PPP2R2A: variants seen among roughly 807,000 people sequenced by gnomAD.
The protein encoded by PPP2R2A is serine/threonine-protein phosphatase 2A 55 kDa regulatory subunit B alpha isoform.
PPP2R2A carries 9 observed loss-of-function variants against 53.2 expected under a neutral mutation model. That is an observed-to-expected ratio of 0.17 (90% CI 0.10 to 0.30). PPP2R2A has a LOEUF of 0.30. Among genes scored for constraint, PPP2R2A ranks in the 10% least tolerant of loss-of-function variants. The probability of loss-of-function intolerance (pLI) is 1.00; values close to 1 mark genes in which losing one functional copy is unlikely to be tolerated. For missense variants in PPP2R2A, 235 were observed against 534.6 expected, an observed-to-expected ratio of 0.44 and a Z score of 5.53; for synonymous variants, 169 against 174.2, an observed-to-expected ratio of 0.97 and a Z score of 0.23.
rs1472898336 is a variant in PPP2R2A, at chr8:26,354,715, AAC to A, written c.346+84_346+85del. On this transcript the variant is annotated intron_variant, in intron 4 of 9. Coordinates refer to ENST00000380737, the MANE Select transcript of PPP2R2A (RefSeq NM_002717.4). The surrounding 1 kb of genome is among the most constrained non-coding windows in gnomAD (Gnocchi z 4.6). ...CTGTAGCCTAGGAGAGGAATCATTTAACAGAGATACTTGTAAAAAGGACTTTT... is the reference window on the plus strand; with the variant it reads ...CTGTAGCCTAGGAGAGGAATCATTTAAGAGATACTTGTAAAAAGGACTTTT... 2 of 1,231,040 alleles carry A rather than the reference AAC, an allele frequency of 1.6e-6. No individual in the cohort carries two copies. The highest frequency in any genetic ancestry group is 1.5e-5 in the African/African-American group (1 of 64,906). 76.3% of individuals were successfully genotyped at this position (1,231,040 alleles called of 1,614,324 possible). A position where few individuals can be genotyped will look rare whatever the true frequency, so the allele number is the denominator to read the frequency against.
intron 3 of PPP2R2A, among the ~76,000 whole-genome samples, chr8:26,347,479 C>T (rs1804280814): frequency 6.6e-6 from 1 of 151,680 alleles, no homozygotes; most frequent in East Asian, 1.9e-4. Context: ...AAGCATTCCT[C>T]CTATGTAACT....
chr8:26,328,131 T>C lies in PPP2R2A; in HGVS notation c.83-10759T>C, dbSNP rs532467424. 6.6e-5 allele frequency among the ~76,000 whole-genome samples: 10 copies of C among 152,346 alleles called. No homozygotes were observed. In the East Asian group the frequency reaches 1.9e-3, roughly 29 times the overall value. The stretch of plus-strand genomic sequence containing the variant: ...AAGCTAACATATACAGTTTCTTAAC[T>C]TTTTCAGAGCCTCAGTTTACTAAAT... On this transcript the variant is annotated intron_variant, in intron 2 of 9. Transcript: ENST00000380737.
At chr8:26,358,296 G>T (rs562266228) in intron 4 of PPP2R2A, among the ~76,000 whole-genome samples, 2 of 152,196 alleles carry the variant, frequency 1.3e-5, no homozygotes, top group African/African-American at 4.8e-5. Context: ...TGGACCAGGG[G>T]GCGGGGGTGT....
chr8:26,366,972 A>G (rs776976125), intron 9 of PPP2R2A, among the ~76,000 whole-genome samples: 13 of 152,164 alleles, frequency 8.5e-5, no homozygotes, highest in Non-Finnish European at 1.5e-4. Context: ...TAAAGATAAA[A>G]TAAGTCTTAC....
intron 2 of PPP2R2A, among the ~76,000 whole-genome samples, chr8:26,313,154 C>T (rs1248805632): frequency 1.3e-5 from 2 of 151,862 alleles, no homozygotes; most frequent in African/African-American, 4.8e-5. Flanking sequence ...CTGCCTCAGC[C>T]TCCCAAGTAG....
At position 26,360,148 on chromosome 8, in the gene PPP2R2A, TTTTC is replaced by T. The variant is rs748349543; in HGVS notation, c.347-17_347-14del. 1.4e-6 allele frequency: 2 copies of T among 1,405,644 alleles called. No homozygotes were observed. The highest frequency in any genetic ancestry group is 1.8e-5 in the Admixed American group (1 of 54,428). The allele number at this position is 1,405,644 out of a possible 1,614,324, so 87.1% of individuals were successfully genotyped here. A position where few individuals can be genotyped will look rare whatever the true frequency, so the allele number is the denominator to read the frequency against. ...TTTTCTTCTTCAGTATTTTAAGGAC[TTTTC>T]TTTATTTTCTTCCCAGATAAAACAA... is the stretch of plus-strand genomic sequence containing the variant. On this transcript the variant is annotated splice_polypyrimidine_tract_variant and intron_variant, in intron 4 of 9. Coordinates refer to ENST00000380737, the MANE Select transcript of PPP2R2A (RefSeq NM_002717.4). The surrounding 1 kb of genome is among the most constrained non-coding windows in gnomAD (Gnocchi z 4.5).
intron 2 of PPP2R2A, among the ~76,000 whole-genome samples, chr8:26,300,003 A>T (rs1801709678): frequency 6.6e-6 from 1 of 152,236 alleles, no homozygotes; most frequent in Non-Finnish European, 1.5e-5. Flanking sequence ...CTCACTCAGT[A>T]CAGTCACTTA....
At chr8:26,312,674 A>G (rs190324086) in intron 2 of PPP2R2A, among the ~76,000 whole-genome samples, 1,691 of 152,264 alleles carry the variant, frequency 0.011, 22 homozygotes, top group South Asian at 0.027. Context: ...TTAAATTTGT[A>G]TTTCAATTTC....
At chr8:26,293,828 A>G (rs766944979) in intron 2 of PPP2R2A, 88 bp downstream of exon 2, 13 of 1,186,596 alleles carry the variant, frequency 1.1e-5, no homozygotes, top group Non-Finnish European at 8.6e-6. Context: ...CGAGACTGCT[A>G]TAAATTCAAG....
chr8:26,362,839 C>T lies in PPP2R2A; in HGVS notation c.793C>T (p.His265Tyr), dbSNP rs1273941793. ...GAGGGCATCTGCCCTCTGTGATAGA[C>T]ATTCTAAATGTAAGTTTATTGTATC... ...DMRASALCDR[H>Y]SKLFEEPEDP... is the part of the protein sequence containing the mutation. Residue 265 changes from histidine to tyrosine, a missense_variant, in exon 7 of 10, where the codon CAT becomes TAT. Physicochemically the swap from His to Tyr is moderately conservative, Grantham distance 83. Around this residue, in one of 3 missense-constraint regions of PPP2R2A, gnomAD observed 181 missense variants for 409.9 expected, o/e 0.44. Coordinates refer to ENST00000380737, the MANE Select transcript of PPP2R2A (RefSeq NM_002717.4). This position sits in a 1 kb window ranked among gnomAD's most constrained non-coding sequence, Gnocchi z 4.4. The T allele has an allele frequency of 2.5e-6, 4 of 1,612,558 alleles. No individual in the cohort carries two copies. The South Asian group carries it at 3.3e-5, about 13-fold the overall frequency.
At chr8:26,341,061 C>T (rs969004065) in intron 3 of PPP2R2A, among the ~76,000 whole-genome samples, 2 of 152,050 alleles carry the variant, frequency 1.3e-5, no homozygotes, top group Non-Finnish European at 2.9e-5. Flanking sequence ...GTGTCTCATT[C>T]TTCTTAACTA....
chr8:26,358,928 C>T lies in PPP2R2A; in HGVS notation c.347-1241C>T, dbSNP rs182948281. The T allele has an allele frequency of 6.9e-4, 313 of 455,896 alleles. 1 individual carries two copies. Among genetic ancestry groups the T allele is most frequent in the South Asian group, 2.8e-3 (178 of 64,522 alleles). 28.2% of individuals were successfully genotyped at this position (455,896 alleles called of 1,614,324 possible). A position where few individuals can be genotyped will look rare whatever the true frequency, so the allele number is the denominator to read the frequency against. On this transcript the variant is annotated intron_variant, in intron 4 of 9. Coordinates refer to ENST00000380737, the MANE Select transcript of PPP2R2A (RefSeq NM_002717.4). ...TAAGTACAGGCTGGATTTAGTGACT[C>T]ACTTCCAAAGAACAGAATATGGCAA...
At chr8:26,333,775 C>T (rs75368193) in intron 2 of PPP2R2A, among the ~76,000 whole-genome samples, 6,298 of 152,150 alleles carry the variant, frequency 0.041, 115 homozygotes, top group Middle Eastern at 0.068. Context: ...AATAAGGAAA[C>T]GGCCTTATGA....
intron 2 of PPP2R2A, among the ~76,000 whole-genome samples, chr8:26,315,565 A>G (rs1296918591): frequency 6.6e-6 from 1 of 152,196 alleles, no homozygotes; most frequent in Non-Finnish European, 1.5e-5. Context: ...TCTCTATTTT[A>G]GAGTCTAGCT....
rs759910208 is a variant in PPP2R2A, at chr8:26,370,234, C to T, written c.1165C>T (p.Arg389Cys). 9.9e-6 allele frequency: 16 copies of T among 1,614,132 alleles called. No homozygotes were observed. The highest frequency in any genetic ancestry group is 5.5e-5 in the South Asian group (5 of 91,076). ...AGCATCGCGGGAAAACAATAAGCCT[C>T]GCACAGTTCTGAAGCCTCGCAAAGT... ...LEASRENNKP[R>C]TVLKPRKVCA... Residue 389 changes from arginine (R) to cysteine (C), a missense_variant, in exon 10 of 10, where the codon CGC becomes TGC. Physicochemically the swap from Arg to Cys is radical, Grantham distance 180. Coordinates refer to ENST00000380737, the MANE Select transcript of PPP2R2A (RefSeq NM_002717.4). This position sits in a 1 kb window ranked among gnomAD's most constrained non-coding sequence, Gnocchi z 6.1.
chr8:26,317,704 A>C (rs1191895940), intron 2 of PPP2R2A, among the ~76,000 whole-genome samples: 4 of 152,234 alleles, frequency 2.6e-5, no homozygotes, highest in Non-Finnish European at 5.9e-5. Flanking sequence ...ACAAGCTAGT[A>C]TATGTATTAT....
At chr8:26,346,269 T>C (rs1192190299) in intron 3 of PPP2R2A, among the ~76,000 whole-genome samples, 1 of 151,970 alleles carries the variant, frequency 6.6e-6, no homozygotes, top group Non-Finnish European at 1.5e-5. Flanking sequence ...GCCTCCCGAG[T>C]AGCTGGGATT....
intron 8 of PPP2R2A, chr8:26,365,200 TCA>T (rs1805306119): frequency 1.3e-5 from 2 of 152,204 alleles, no homozygotes. Flanking sequence ...TTAAAAGTAG[TCA>T]CATTATAGGC....
intron 9 of PPP2R2A, among the ~76,000 whole-genome samples, chr8:26,369,688 G>A (rs1472929723): frequency 1.2e-4 from 18 of 152,092 alleles, no homozygotes; most frequent in Admixed American, 9.2e-4. Context: ...CACTGCGCCC[G>A]GCCCAAAAAA....
Sources: allele counts gnomAD v4.1 joint callset (sites outside exome capture counted in the v4.1 genomes callset), GRCh38; gene constraint gnomAD v4.1.1; regional missense constraint gnomAD v4.1.1; non-coding constraint Gnocchi (gnomAD v3.1); transcripts MANE v1.5; gene names NCBI Gene and HGNC (gene_info 2026-07-23, HGNC 2026-07-21).